The following CPM variants were observed in gnomAD, a reference collection of about 807,000 sequenced individuals.
CPM encodes renal carboxypeptidase.
CPM carries 35 observed loss-of-function variants against 46.4 expected under a neutral mutation model. That is an observed-to-expected ratio of 0.75 (90% confidence interval 0.58 to 1.00). The LOEUF is 1.00. CPM is among the 50% of genes least tolerant of loss of function. The pLI, the probability that CPM is intolerant of heterozygous loss-of-function variation, is 0.00. For missense variants in CPM, 422 were observed against 530.4 expected, an observed-to-expected ratio of 0.80 and a Z score of 2.01; for synonymous variants, 195 against 195.3, an observed-to-expected ratio of 1.00 and a Z score of 0.01.
chr12:68,886,267 T>C (rs1220240544), intron 2 of CPM, among the ~76,000 whole-genome samples: 2 of 151,764 alleles, frequency 1.3e-5, no homozygotes, highest in Non-Finnish European at 2.9e-5. Context: ...TAAAGTTAAA[T>C]TATAGTTGAT....
intron 1 of CPM, among the ~76,000 whole-genome samples, chr12:68,956,394 A>G (rs1195321164): frequency 6.6e-6 from 1 of 152,188 alleles, no homozygotes; most frequent in Non-Finnish European, 1.5e-5. Flanking sequence ...CATCCCGCCA[A>G]CTTGGAAGGG....
At chr12:68,858,221 GC>G (rs1885058194) in intron 8 of CPM, among the ~76,000 whole-genome samples, 1 of 152,152 alleles carries the variant, frequency 6.6e-6, no homozygotes, top group Admixed American at 6.5e-5. Context: ...GCCCCACTAA[GC>G]AAAATAGAAG....
chr12:68,911,623 G>A (rs916659623), intron 2 of CPM, among the ~76,000 whole-genome samples: 3 of 152,210 alleles, frequency 2.0e-5, no homozygotes, highest in Non-Finnish European at 2.9e-5. Context: ...GCAGGGCCAC[G>A]CTTCAAGGCT....
rs191050917 is a variant in CPM at position 68,880,663 on chromosome 12, C to T, written c.258+5129G>A. On this transcript the variant is annotated intron_variant, in intron 3 of 8. Transcript: ENST00000551568. ...TGGGCAAAGCTTGGTGTTCAGGCTC[C>T]GGGTTCCCACAGCTGGTGACCAAGC... Among the ~76,000 whole-genome samples, 324 of 152,280 alleles carry T rather than the reference C, an allele frequency of 2.1e-3. 2 individuals carry two copies. Among genetic ancestry groups the T allele is most frequent in the African/African-American group, 7.1e-3 (297 of 41,562 alleles).
At chr12:68,935,189 C>T (rs1338324356), upstream of CPM, among the ~76,000 whole-genome samples, 13 of 151,896 alleles carry the variant, frequency 8.6e-5, no homozygotes, top group African/African-American at 2.9e-4. Flanking sequence ...GGATTACAGG[C>T]GTGAGCCACC....
intron 2 of CPM, among the ~76,000 whole-genome samples, chr12:68,896,250 A>G (rs1886871385): frequency 6.6e-6 from 1 of 152,030 alleles, no homozygotes; most frequent in Non-Finnish European, 1.5e-5. Context: ...CTGCCATCCA[A>G]CACCTTCCTG....
At chr12:68,954,872 A>G (rs1888987430) in intron 1 of CPM, among the ~76,000 whole-genome samples, 1 of 152,136 alleles carries the variant, frequency 6.6e-6, no homozygotes, top group Non-Finnish European at 1.5e-5. Context: ...TACAGATGAA[A>G]AGTCCCCTCA....
chr12:68,875,330 A>G (rs111847104), intron 3 of CPM, among the ~76,000 whole-genome samples: 17,053 of 146,846 alleles, frequency 0.12, 2,046 homozygotes, highest in African/African-American at 0.3. Flanking sequence ...CATCCAGCCT[A>G]GGCAACAGAG....
chr12:68,852,597 G>C lies in CPM; in HGVS notation c.*3840C>G, dbSNP rs1317990828. 1 of 151,094 alleles carries C rather than the reference G, an allele frequency of 6.6e-6. No individual in the cohort carries two copies. Among genetic ancestry groups the C allele is most frequent in the Non-Finnish European group, 1.5e-5 (1 of 67,864 alleles). The allele number at this position is 151,094 out of a possible 1,614,324, so 9.4% of individuals were successfully genotyped here. ...GACAGAGGTTCGCTCTGTCACCCCG[G>C]CTGGAGTGCAGTGCAGTGATGTGAT... On this transcript the variant is annotated 3_prime_UTR_variant, in exon 9 of 9. Coordinates refer to ENST00000551568, the MANE Select transcript of CPM (RefSeq NM_198320.5).
At chr12:68,900,910 G>C (rs990170229) in intron 2 of CPM, among the ~76,000 whole-genome samples, 5 of 152,046 alleles carry the variant, frequency 3.3e-5, no homozygotes, top group African/African-American at 9.7e-5. Flanking sequence ...GGGTATTTAG[G>C]GCAGTGAAAC....
At chr12:68,891,780 A>G (rs1386273718) in intron 2 of CPM, among the ~76,000 whole-genome samples, 1 of 151,936 alleles carries the variant, frequency 6.6e-6, no homozygotes, top group Admixed American at 6.6e-5. Context: ...TTTGTCCCCC[A>G]GGCTGGAGTG....
chr12:68,860,350 TA>T (rs1885155353), intron 7 of CPM, among the ~76,000 whole-genome samples: 2 of 152,258 alleles, frequency 1.3e-5, no homozygotes, highest in African/African-American at 4.8e-5. Context: ...GCTTGATACA[TA>T]TCCTTTTGAT....
chr12:68,955,151 G>T (rs1183632749), intron 1 of CPM, among the ~76,000 whole-genome samples: 1 of 152,196 alleles, frequency 6.6e-6, no homozygotes. Flanking sequence ...GGCAGAACGA[G>T]CCCAGGAGGC....
intron 8 of CPM, among the ~76,000 whole-genome samples, chr12:68,858,185 T>C (rs1304685275): frequency 1.3e-5 from 2 of 152,216 alleles, no homozygotes; most frequent in South Asian, 2.1e-4. Flanking sequence ...TAGCTCTATA[T>C]AGAATGACTG....
chr12:68,946,646 C>G (rs1888852597), intron 1 of CPM, among the ~76,000 whole-genome samples: 1 of 152,152 alleles, frequency 6.6e-6, no homozygotes, highest in Non-Finnish European at 1.5e-5. Context: ...TCAAAGCAGT[C>G]TGAAAAGTCT....
rs113275139 is a variant in CPM at position 68,898,725 on chromosome 12, T to C, written c.161-12836A>G. On this transcript the variant is annotated intron_variant, in intron 2 of 8. Coordinates refer to ENST00000551568, the MANE Select transcript of CPM (RefSeq NM_198320.5). Reference sequence around the variant, plus strand: ...CTGACATAATGATGAAATGTGCAGGTTCCAGAATCAAAGTGTCAGAGCTAA... The same window carrying C: ...CTGACATAATGATGAAATGTGCAGGCTCCAGAATCAAAGTGTCAGAGCTAA... Among the ~76,000 whole-genome samples, 1,480 of 152,296 alleles carry C rather than the reference T, an allele frequency of 9.7e-3. 14 individuals carry two copies. The highest frequency in any genetic ancestry group is 0.037 in the Middle Eastern group (11 of 294).
chr12:68,891,568 T>G (rs1886654976), intron 2 of CPM, among the ~76,000 whole-genome samples: 1 of 152,156 alleles, frequency 6.6e-6, no homozygotes, highest in Non-Finnish European at 1.5e-5. Flanking sequence ...TCAACAGTCT[T>G]TGGAAACTTC....
intron 1 of CPM, among the ~76,000 whole-genome samples, chr12:68,941,660 C>T (rs1461654071): frequency 6.6e-6 from 1 of 152,154 alleles, no homozygotes; most frequent in Non-Finnish European, 1.5e-5. Flanking sequence ...TGAAATTTCA[C>T]AAGTAGAATA....
At chr12:68,883,747 T>A (rs1308113648) in intron 3 of CPM, among the ~76,000 whole-genome samples, 1 of 152,048 alleles carries the variant, frequency 6.6e-6, no homozygotes, top group African/African-American at 2.4e-5. Context: ...ACCTCTGAAA[T>A]GCCAGCAATA....
Sources: gnomAD v4.1 joint callset for allele counts (sites outside exome capture counted in the v4.1 genomes callset) on GRCh38, gnomAD v4.1.1 for gene constraint, MANE v1.5 for transcripts, NCBI Gene and HGNC (gene_info 2026-07-23, HGNC 2026-07-21) for gene names.